Variants in AMPD2 observed in about 807,000 individuals in gnomAD.
AMPD2 encodes the protein adenosine monophosphate deaminase 2.
In AMPD2, 52 loss-of-function variants were observed where a neutral mutation model predicts 91.3. The observed-to-expected ratio is 0.57, with a 90% CI of 0.46 to 0.72. The LOEUF (loss-of-function observed/expected upper bound fraction) is 0.72. Among genes scored for constraint, AMPD2 ranks in the 30% least tolerant of loss-of-function variants. AMPD2 has a pLI of 0.00. For synonymous variants in AMPD2, 455 were observed against 456.4 expected (o/e 1.00, Z 0.04); for missense variants, 822 against 1,122.3 (o/e 0.73, Z 3.82).
In AMPD2 at chr1:109,628,454, G is replaced by A. The variant is rs928256121; in HGVS notation, c.1366G>A (p.Asp456Asn). 2 of 1,613,426 alleles carry A rather than the reference G, an allele frequency of 1.2e-6. No individual in the cohort carries two copies. The highest frequency in any genetic ancestry group is 1.7e-6 in the Non-Finnish European group (2 of 1,180,028). The change falls in exon 12 of 19, where the codon GAC becomes AAC. Residue 456 changes from aspartate to asparagine, a missense_variant. Transcript: ENST00000528667. This position sits in a 1 kb window ranked among gnomAD's most constrained non-coding sequence, Gnocchi z 7.1. ...CCTCCGAGAGATCTTCATCAAGACGGACAACAGGGTATCTGGGAAGTACTT... is the reference window on the plus strand; with the variant it reads ...CCTCCGAGAGATCTTCATCAAGACGAACAACAGGGTATCTGGGAAGTACTT... ...SVLREIFIKT[D>N]NRVSGKYFAH... is the part of the protein sequence containing the mutation.
intron 7 of AMPD2, 30 bp downstream of exon 7, chr1:109,626,942 T>A: frequency 6.2e-7 from 1 of 1,600,428 alleles, no homozygotes; most frequent in East Asian, 2.2e-5. Flanking sequence ...CCCCATGCCA[T>A]GTGCCCTAGC....
rs775687235 is a variant in AMPD2 at position 109,628,603 on chromosome 1, C to T, written c.1408-40C>T. 3.1e-6 allele frequency: 5 copies of T among 1,610,188 alleles called. No homozygotes were observed. The African/African-American group carries it at 4.0e-5, about 13-fold the overall frequency. On this transcript the variant is annotated intron_variant, in intron 12 of 18. Transcript: ENST00000528667. This position sits in a 1 kb window ranked among gnomAD's most constrained non-coding sequence, Gnocchi z 7.1. ...GATGACCCCCTGAAGAGCTCTGACT[C>T]AGCTCACCTCATGTCTGACTCAGCT...
chr1:109,619,888 C>A lies in AMPD2; in HGVS notation c.-653C>A. On this transcript the variant is annotated 5_prime_UTR_variant, in exon 1 of 19. The change creates a new upstream start codon in the 5' untranslated region. Coordinates refer to ENST00000528667, the MANE Select transcript of AMPD2 (RefSeq NM_001368809.2). ...CGGCGAGATTTTGGTGGGGTCTCAC[C>A]TGTTGCGTGACTCCCCCACAGTCCG... 1 of 307,748 alleles carries A rather than the reference C, an allele frequency of 3.2e-6. No homozygotes were observed. Among genetic ancestry groups the A allele is most frequent in the South Asian group, 2.5e-5 (1 of 40,190 alleles). The allele number at this position is 307,748 out of a possible 1,614,324, so 19.1% of individuals were successfully genotyped here.
At position 109,625,937 on chromosome 1, in the gene AMPD2, T is replaced by TTC. The variant is rs1650641134; in HGVS notation, c.353+147_353+148dup. On this transcript the variant is annotated intron_variant, in intron 4 of 18. Transcript: ENST00000528667. The surrounding 1 kb of genome is among the most constrained non-coding windows in gnomAD (Gnocchi z 4.0). ...TGGGCTTTGGAGTCGGGCTGCTGGG[T>TTC]TCTGTTCTGTCTTCTAGCCGCCGGT... 1 of 1,351,018 alleles carries TTC rather than the reference T, an allele frequency of 7.4e-7. No homozygotes were observed. 83.7% of individuals were successfully genotyped at this position (1,351,018 alleles called of 1,614,324 possible). A position where few individuals can be genotyped will look rare whatever the true frequency, so the allele number is the denominator to read the frequency against.
intron 16 of AMPD2, 58 bp downstream of exon 16, chr1:109,629,974 C>T (rs367836765): frequency 5.2e-6 from 8 of 1,546,696 alleles, no homozygotes; most frequent in East Asian, 2.3e-5. Context: ...CTGAACCATT[C>T]GGGCCCCTTC....
Position 109,625,428 on chromosome 1 carries a change from G to A in AMPD2, c.217G>A (p.Ala73Thr), listed in dbSNP as rs749470850. The A allele has an allele frequency of 1.9e-6, 3 of 1,613,790 alleles. No individual in the cohort carries two copies. The highest frequency in any genetic ancestry group is 1.1e-5 in the South Asian group (1 of 91,088). ...TATGGATGGCAAATGCAAGGAGATC[G>A]CCGAGGTATCACCTGGCACCACCCG... Reference protein sequence around the residue: ...TSMDGKCKEIAEELFTRSLAE... With the variant: ...TSMDGKCKEITEELFTRSLAE... Residue 73 changes from alanine to threonine, a missense_variant, in exon 3 of 19, where the codon GCC (alanine) becomes ACC (threonine). Transcript: ENST00000528667. This position sits in a 1 kb window ranked among gnomAD's most constrained non-coding sequence, Gnocchi z 4.0.
In AMPD2 at chr1:109,620,044, G is replaced by C. The variant is rs1650114041; in HGVS notation, c.-497G>C. Reference sequence around the variant, plus strand: ...CAGGGTTGGGTGGTCGCGACACCGGGGTCGCCTTGAGGCCAGTCCGGCTGC... The same window carrying C: ...CAGGGTTGGGTGGTCGCGACACCGGCGTCGCCTTGAGGCCAGTCCGGCTGC... On this transcript the variant is annotated 5_prime_UTR_variant, in exon 1 of 19. Coordinates refer to ENST00000528667, the MANE Select transcript of AMPD2 (RefSeq NM_001368809.2). 2 of 573,546 alleles carry C rather than the reference G, an allele frequency of 3.5e-6. No homozygotes were observed. The highest frequency in any genetic ancestry group is 3.1e-5 in the East Asian group (1 of 32,010). The allele number at this position is 573,546 out of a possible 1,614,324, so 35.5% of individuals were successfully genotyped here. A position where few individuals can be genotyped will look rare whatever the true frequency, so the allele number is the denominator to read the frequency against.
At position 109,625,169 on chromosome 1, in the gene AMPD2, C is replaced by G. The variant is rs1345198185; in HGVS notation, c.92-134C>G. 1 of 1,280,716 alleles carries G rather than the reference C, an allele frequency of 7.8e-7. No individual in the cohort carries two copies. The highest frequency in any genetic ancestry group is 1.1e-6 in the Non-Finnish European group (1 of 937,142). The allele number at this position is 1,280,716 out of a possible 1,614,324, so 79.3% of individuals were successfully genotyped here. ...GGGAGCCACACACACAGGCCTACTCCTCAGCTACTGAGGAGGGACTGCCCT... is the reference window on the plus strand; with the variant it reads ...GGGAGCCACACACACAGGCCTACTCGTCAGCTACTGAGGAGGGACTGCCCT... On this transcript the variant is annotated intron_variant, in intron 2 of 18. Transcript: ENST00000528667. The surrounding 1 kb of genome is among the most constrained non-coding windows in gnomAD (Gnocchi z 4.0).
Position 109,630,423 on chromosome 1 carries a change from C to T in AMPD2, c.2157+17C>T. ...TTCACCAAGGTCAGAGCCCAGCAGG[C>T]AGCCAGGCGGGCGGGCGTCCCAGGA... On this transcript the variant is annotated intron_variant, in intron 17 of 18. Coordinates refer to ENST00000528667, the MANE Select transcript of AMPD2 (RefSeq NM_001368809.2). 1 of 1,567,230 alleles carries T rather than the reference C, an allele frequency of 6.4e-7. No homozygotes were observed.
At chr1:109,629,035 G>C in intron 13 of AMPD2, 74 bp from the exon 14 acceptor site, 1 of 1,584,150 alleles carries the variant, frequency 6.3e-7, no homozygotes, top group Non-Finnish European at 8.6e-7. Flanking sequence ...GCCAAGCTCT[G>C]ACCCTTGCTG....
In AMPD2 at chr1:109,620,011, C is replaced by G; in HGVS notation, c.-530C>G. 1 of 532,388 alleles carries G rather than the reference C, an allele frequency of 1.9e-6. No individual in the cohort carries two copies. The highest frequency in any genetic ancestry group is 2.0e-5 in the South Asian group (1 of 49,966). The allele number at this position is 532,388 out of a possible 1,614,324, so 33.0% of individuals were successfully genotyped here. A position where few individuals can be genotyped will look rare whatever the true frequency, so the allele number is the denominator to read the frequency against. On this transcript the variant is annotated 5_prime_UTR_variant, in exon 1 of 19. Transcript: ENST00000528667. Reference sequence around the variant, plus strand: ...TTGGGAGCACGTGGCCTACCAGCCTCTCGATTGCAGGGTTGGGTGGTCGCG... The same window carrying G: ...TTGGGAGCACGTGGCCTACCAGCCTGTCGATTGCAGGGTTGGGTGGTCGCG...
rs993246155 is a variant in AMPD2, at chr1:109,628,930, AG to A, written c.1571+127del. 7.0e-7 allele frequency: 1 copy of A among 1,438,402 alleles called. No individual in the cohort carries two copies. Among genetic ancestry groups the A allele is most frequent in the Non-Finnish European group, 9.3e-7 (1 of 1,077,716 alleles). The allele number at this position is 1,438,402 out of a possible 1,614,324, so 89.1% of individuals were successfully genotyped here. A position where few individuals can be genotyped will look rare whatever the true frequency, so the allele number is the denominator to read the frequency against. On this transcript the variant is annotated intron_variant, in intron 13 of 18. Transcript: ENST00000528667. This position sits in a 1 kb window ranked among gnomAD's most constrained non-coding sequence, Gnocchi z 7.1. ...CTGCCAACCCCTCTGAGTGCAAGGA[AG>A]GGCTTCCTGGTCCCATCCATGGTCT...
At chr1:109,621,365 G>A in intron 2 of AMPD2, 99 bp downstream of exon 2, 1 of 1,128,306 alleles carries the variant, frequency 8.9e-7, no homozygotes, top group Non-Finnish European at 1.2e-6. Context: ...ACCTCCTCCG[G>A]CATCCTCTCT....
At position 109,628,698 on chromosome 1, in the gene AMPD2, C is replaced by G; in HGVS notation, c.1463C>G (p.Ser488Cys). Residue 488 changes from serine to cysteine, a missense_variant, in exon 13 of 19, where the codon TCC (serine) becomes TGC (cysteine). Physicochemically the swap from Ser to Cys is moderately radical, Grantham distance 112. Coordinates refer to ENST00000528667, the MANE Select transcript of AMPD2 (RefSeq NM_001368809.2). The surrounding 1 kb of genome is among the most constrained non-coding windows in gnomAD (Gnocchi z 7.1). Reference protein sequence around the residue: ...SKYQNAELRLSIYGRSRDEWD... With the variant: ...SKYQNAELRLCIYGRSRDEWD... ...TACCAGAATGCAGAGCTGCGGCTCT[C>G]CATTTACGGGCGCTCGAGGGATGAG... 1 of 1,613,702 alleles carries G rather than the reference C, an allele frequency of 6.2e-7. No individual in the cohort carries two copies. The highest frequency in any genetic ancestry group is 1.1e-5 in the South Asian group (1 of 91,008).
rs558719272 is a variant in AMPD2, at chr1:109,625,566, C to T, written c.223-96C>T. On this transcript the variant is annotated intron_variant, in intron 3 of 18. Transcript: ENST00000528667. The surrounding 1 kb of genome is among the most constrained non-coding windows in gnomAD (Gnocchi z 4.0). ...CTGATCCTCAGCCTCTCCCAGGTAC[C>T]CCTGGTCCTGCTGCCCTCACCCCAT... 1.3e-6 allele frequency: 2 copies of T among 1,595,870 alleles called. No individual in the cohort carries two copies. Among genetic ancestry groups the T allele is most frequent in the African/African-American group, 1.3e-5 (1 of 74,682 alleles).
chr1:109,625,344 CG>C lies in AMPD2; in HGVS notation c.134del (p.Arg45HisfsTer88). The C allele has an allele frequency of 6.2e-7, 1 of 1,613,548 alleles. No homozygotes were observed. Among genetic ancestry groups the C allele is most frequent in the Non-Finnish European group, 8.5e-7 (1 of 1,179,928 alleles). On this transcript the variant is annotated frameshift_variant, in exon 3 of 19. Transcript: ENST00000528667. LOFTEE classifies it high-confidence loss of function. This position sits in a 1 kb window ranked among gnomAD's most constrained non-coding sequence, Gnocchi z 4.0. ...GGGGGCCCCTCCGCTGCAGTCTGCC[CG>C]ATCCCTGCCGGGCCCCGCCCCCTGC... ...GLGAPPLQSA[R>X]SLPGPAPCLK...
Position 109,626,783 on chromosome 1 carries a change from C to A in AMPD2, c.589C>A (p.Arg197=). ...GAGTGTGGTGCGGGCGCTCTTCATC[C>A]GGGAGAAGTACATGGCCCTGTCCCT... ...AKSVVRALFI[R]EKYMALSLQS... Residue 197 remains arginine (R), a synonymous_variant, in exon 7 of 19, where the codon CGG becomes AGG. Coordinates refer to ENST00000528667, the MANE Select transcript of AMPD2 (RefSeq NM_001368809.2). 6.2e-7 allele frequency: 1 copy of A among 1,613,808 alleles called. No individual in the cohort carries two copies. The highest frequency in any genetic ancestry group is 2.2e-5 in the East Asian group (1 of 44,848).
chr1:109,626,740 C>T lies in AMPD2; in HGVS notation c.546C>T (p.Asp182=), dbSNP rs1650719762. The change falls in exon 7 of 19, where the codon GAC becomes GAT. Residue 182 remains aspartate, a synonymous_variant. Coordinates refer to ENST00000528667, the MANE Select transcript of AMPD2 (RefSeq NM_001368809.2). ...CTCATCTCCAGGTGCCGTTCACAGA[C>T]CTGCTGGATGCAGCCAAGAGTGTGG... ...GEEKCGVPFT[D]LLDAAKSVVR... is the part of the protein sequence containing the mutation. 6.2e-7 allele frequency: 1 copy of T among 1,613,172 alleles called. No homozygotes were observed. The highest frequency in any genetic ancestry group is 8.5e-7 in the Non-Finnish European group (1 of 1,179,536).
chr1:109,621,155 G>A lies in AMPD2; in HGVS notation c.-21G>A, dbSNP rs1650215347. The A allele has an allele frequency of 6.3e-7, 1 of 1,596,980 alleles. No individual in the cohort carries two copies. Among genetic ancestry groups the A allele is most frequent in the South Asian group, 1.1e-5 (1 of 89,214 alleles). ...CCGGTGCCGCTCAGACTCCCCCGCT[G>A]TCGCCGCCGTGGTCCCAGCCATGGC... On this transcript the variant is annotated 5_prime_UTR_variant, in exon 2 of 19. Coordinates refer to ENST00000528667, the MANE Select transcript of AMPD2 (RefSeq NM_001368809.2).
Sources: gnomAD v4.1 joint callset for allele counts on GRCh38, gnomAD v4.1.1 for gene constraint, Gnocchi (gnomAD v3.1) non-coding constraint, MANE v1.5 for transcripts, NCBI Gene and HGNC (gene_info 2026-07-23, HGNC 2026-07-21) for gene names.